The following VTI1A variants were observed in gnomAD, a reference collection of about 807,000 sequenced individuals.
The protein encoded by VTI1A is vesicle transport through interaction with t-SNAREs 1A, also known as vesicle transport through interaction with t-SNAREs homolog 1A.
In VTI1A, 22 loss-of-function variants were observed where a neutral mutation model predicts 34.9. The ratio of observed to expected loss-of-function variants is 0.63; its 90% CI spans 0.45 to 0.90. VTI1A has a LOEUF of 0.90. Among genes scored for constraint, VTI1A ranks in the 40% least tolerant of loss-of-function variants. The probability of loss-of-function intolerance (pLI) is 0.00; values close to 1 mark genes in which losing one functional copy is unlikely to be tolerated. For missense variants in VTI1A, 268 were observed against 275.6 expected, an observed-to-expected ratio of 0.97 and a Z score of 0.20; for synonymous variants, 87 against 97.3, an observed-to-expected ratio of 0.89 and a Z score of 0.62.
At chr10:112,592,687 A>G (rs1844438536) in intron 5 of VTI1A, among the ~76,000 whole-genome samples, 1 of 152,236 alleles carries the variant, frequency 6.6e-6, no homozygotes, top group South Asian at 2.1e-4. Context: ...CATTTGGAAT[A>G]TATGTCATCC....
intron 7 of VTI1A, among the ~76,000 whole-genome samples, chr10:112,688,820 T>C (rs547102238): frequency 1.3e-5 from 2 of 152,324 alleles, no homozygotes; most frequent in Non-Finnish European, 2.9e-5. Context: ...ATTACAGGCA[T>C]CAGCCACTGT....
rs1851308635 is a variant in VTI1A at position 112,757,086 on chromosome 10, A to G, written c.561-58204A>G. Among the ~76,000 whole-genome samples, 3 of 151,976 alleles carry G rather than the reference A, an allele frequency of 2.0e-5. No homozygotes were observed. The South Asian group carries it at 6.2e-4, about 32-fold the overall frequency. ...AGATGCATCATTATGCATTCATTCA[A>G]CAAATACTAATTCAGAGGCAGCCAA... On this transcript the variant is annotated intron_variant, in intron 7 of 7. Transcript: ENST00000393077.
intron 7 of VTI1A, among the ~76,000 whole-genome samples, chr10:112,802,682 C>G (rs1318411589): frequency 6.6e-6 from 1 of 152,158 alleles, no homozygotes; most frequent in East Asian, 1.9e-4. Context: ...TTTTCTAGCC[C>G]CATGCTTTAC....
At chr10:112,565,157 A>G (rs756719898) in intron 5 of VTI1A, among the ~76,000 whole-genome samples, 8 of 152,150 alleles carry the variant, frequency 5.3e-5, no homozygotes, top group Non-Finnish European at 8.8e-5. Flanking sequence ...TGTACCATAA[A>G]ACAGTGGGCC....
At chr10:112,703,915 G>A (rs116535424) in intron 7 of VTI1A, among the ~76,000 whole-genome samples, 1,812 of 152,226 alleles carry the variant, frequency 0.012, 34 homozygotes, top group African/African-American at 0.042. Flanking sequence ...TCCAATTAGT[G>A]TTGAGGTCTT....
intron 3 of VTI1A, among the ~76,000 whole-genome samples, chr10:112,474,458 C>CTT (rs35475815): frequency 1.4e-5 from 2 of 142,048 alleles, no homozygotes; most frequent in Non-Finnish European, 3.1e-5. Context: ...TCATTCTTTC[C>CTT]TTTTTTTTTT....
chr10:112,504,366 C>T (rs759110033), intron 3 of VTI1A, among the ~76,000 whole-genome samples: 1 of 152,124 alleles, frequency 6.6e-6, no homozygotes, highest in Non-Finnish European at 1.5e-5. Context: ...TATTCTCCCC[C>T]AACCCTGCTT....
intron 5 of VTI1A, among the ~76,000 whole-genome samples, chr10:112,542,194 A>C (rs1564819684): frequency 6.6e-6 from 1 of 152,214 alleles, no homozygotes; most frequent in Non-Finnish European, 1.5e-5. Context: ...TATTATTAAC[A>C]AAGAAACAGG....
chr10:112,585,663 CTTTTT>C (rs61436886), intron 5 of VTI1A, among the ~76,000 whole-genome samples: 137 of 117,288 alleles, frequency 1.2e-3, no homozygotes, highest in Non-Finnish European at 1.8e-3. Flanking sequence ...TTGTGGATTT[CTTTTT>C]TTTTTTTTTT....
intron 5 of VTI1A, among the ~76,000 whole-genome samples, chr10:112,659,951 G>A (rs569950630): frequency 3.9e-5 from 6 of 152,316 alleles, no homozygotes; most frequent in African/African-American, 1.4e-4. Flanking sequence ...GAAACAATAT[G>A]ATCTGCTTAA....
the VTI1A span, chr10:112,827,843 A>G: frequency 6.6e-6 from 1 of 152,238 alleles, no homozygotes. Flanking sequence ...TGGACTGTGA[A>G]TTAGACGCTG....
intron 7 of VTI1A, chr10:112,736,964 T>C: frequency 1.7e-6 from 1 of 602,678 alleles, no homozygotes; most frequent in Non-Finnish European, 3.0e-6. Flanking sequence ...AAATGTGCTG[T>C]GGTTCTGGGT....
chr10:112,496,776 AAG>A (rs1849040603), intron 3 of VTI1A, among the ~76,000 whole-genome samples: 1 of 152,210 alleles, frequency 6.6e-6, no homozygotes, highest in Non-Finnish European at 1.5e-5. Flanking sequence ...TGTTTCAGCT[AAG>A]AACACAAGTT....
intron 5 of VTI1A, among the ~76,000 whole-genome samples, chr10:112,662,656 G>T (rs1564872538): frequency 1.3e-5 from 2 of 152,034 alleles, no homozygotes. Flanking sequence ...CATATAGACT[G>T]TATTGTCTCT....
intron 5 of VTI1A, among the ~76,000 whole-genome samples, chr10:112,632,379 T>G (rs939010190): frequency 2.0e-5 from 3 of 152,246 alleles, no homozygotes; most frequent in Non-Finnish European, 4.4e-5. Flanking sequence ...AATCAGGGTT[T>G]ATTTTAAAAG....
intron 7 of VTI1A, among the ~76,000 whole-genome samples, chr10:112,689,661 C>T (rs1314044691): frequency 6.6e-6 from 1 of 152,122 alleles, no homozygotes; most frequent in African/African-American, 2.4e-5. Flanking sequence ...GCAGCTAAAG[C>T]AGAATCTCTC....
chr10:112,642,977 C>CTTTTTTTT (rs58619611), intron 5 of VTI1A, among the ~76,000 whole-genome samples: 51 of 121,010 alleles, frequency 4.2e-4, no homozygotes, highest in African/African-American at 5.0e-4. Flanking sequence ...TTTTTCTTTT[C>CTTTTTTTT]TTTTTTTTTT....
intron 5 of VTI1A, among the ~76,000 whole-genome samples, chr10:112,643,987 A>T: frequency 1.2e-5 from 1 of 81,084 alleles, no homozygotes; most frequent in South Asian, 6.3e-4. Context: ...ATAGGAGGTA[A>T]AAAAAAAAAA....
intron 7 of VTI1A, among the ~76,000 whole-genome samples, chr10:112,766,326 A>G (rs1223768716): frequency 6.6e-6 from 1 of 152,246 alleles, no homozygotes; most frequent in Non-Finnish European, 1.5e-5. Flanking sequence ...AGTACTTTCA[A>G]AGATAAAAAT....
Sources: gnomAD v4.1 joint callset for allele counts (sites outside exome capture counted in the v4.1 genomes callset) on GRCh38, gnomAD v4.1.1 for gene constraint, MANE v1.5 for transcripts, NCBI Gene and HGNC (gene_info 2026-07-23, HGNC 2026-07-21) for gene names.